CHST6: variants seen among roughly 807,000 people sequenced by gnomAD.
The protein encoded by CHST6 is N-acetylglucosamine 6-O-sulfotransferase 5.
For synonymous variants in CHST6, 309 were observed against 276.4 expected (o/e 1.12, Z -1.17); for missense variants, 698 against 586.2 (o/e 1.19, Z -1.97).
At chr16:75,488,787 T>TTC (rs1416278223) in intron 1 of CHST6, among the ~76,000 whole-genome samples, 3 of 150,368 alleles carry the variant, frequency 2.0e-5, no homozygotes, top group African/African-American at 7.5e-5. Flanking sequence ...AATGGGAGGC[T>TTC]GAGGCAGGAG....
rs1232585876 is a variant in CHST6, at chr16:75,477,320, G to A, written c.*1321C>T. 1 of 152,174 alleles carries A rather than the reference G, an allele frequency of 6.6e-6. No individual in the cohort carries two copies. Among genetic ancestry groups the A allele is most frequent in the Non-Finnish European group, 1.5e-5 (1 of 68,034 alleles). The allele number at this position is 152,174 out of a possible 1,614,324, so 9.4% of individuals were successfully genotyped here. ...GCCCTGCTTGCTTTGCAGGGAGGAT[G>A]TGACTCCACAATCCAGGTTCCCCCA... is the stretch of plus-strand genomic sequence containing the variant. On this transcript the variant is annotated 3_prime_UTR_variant, in exon 3 of 3. Transcript: ENST00000332272.
Position 75,495,013 on chromosome 16 carries a change from G to A in CHST6, c.-165C>T, listed in dbSNP as rs1365677898. On this transcript the variant is annotated 5_prime_UTR_variant, in exon 1 of 3. Coordinates refer to ENST00000332272, the MANE Select transcript of CHST6 (RefSeq NM_021615.5). ...GCCTCTCTCCCTGGACTCAGCAAAG[G>A]CTCCCAAACGTCGTCTCTTCCAAAT... is the stretch of plus-strand genomic sequence containing the variant. The A allele has an allele frequency of 1.3e-5, 2 of 152,492 alleles. No homozygotes were observed. The highest frequency in any genetic ancestry group is 4.8e-5 in the African/African-American group (2 of 41,486). 9.4% of individuals were successfully genotyped at this position (152,492 alleles called of 1,614,324 possible). A position where few individuals can be genotyped will look rare whatever the true frequency, so the allele number is the denominator to read the frequency against.
At position 75,476,805 on chromosome 16, in the gene CHST6, C is replaced by A; in HGVS notation, c.*1836G>T. Reference sequence around the variant, plus strand: ...TGTCACCCAGGCTGGAGTGCAATGGCGTGATCTTGGCTCACTGCAACCTCC... The same window carrying A: ...TGTCACCCAGGCTGGAGTGCAATGGAGTGATCTTGGCTCACTGCAACCTCC... On this transcript the variant is annotated 3_prime_UTR_variant, in exon 3 of 3. Transcript: ENST00000332272. 6.7e-6 allele frequency: 1 copy of A among 149,698 alleles called. No homozygotes were observed. Among genetic ancestry groups the A allele is most frequent in the Non-Finnish European group, 1.5e-5 (1 of 67,646 alleles). The allele number at this position is 149,698 out of a possible 1,614,324, so 9.3% of individuals were successfully genotyped here.
At position 75,475,824 on chromosome 16, in the gene CHST6, CAG is replaced by C. The variant is rs1441545090; in HGVS notation, c.*2815_*2816del. On this transcript the variant is annotated 3_prime_UTR_variant, in exon 3 of 3. Transcript: ENST00000332272. Reference sequence around the variant, plus strand: ...CCATCAATAAAATTTGTGACCTAAACAGGGGCAAATGAAGCTTGTTGGGCATG... The same window carrying C: ...CCATCAATAAAATTTGTGACCTAAACGGGCAAATGAAGCTTGTTGGGCATG... 6.6e-6 allele frequency: 1 copy of C among 152,204 alleles called. No individual in the cohort carries two copies. The highest frequency in any genetic ancestry group is 1.9e-4 in the East Asian group (1 of 5,188). 9.4% of individuals were successfully genotyped at this position (152,204 alleles called of 1,614,324 possible). A position where few individuals can be genotyped will look rare whatever the true frequency, so the allele number is the denominator to read the frequency against.
At position 75,476,242 on chromosome 16, in the gene CHST6, T is replaced by C. The variant is rs906470598; in HGVS notation, c.*2399A>G. On this transcript the variant is annotated 3_prime_UTR_variant, in exon 3 of 3. Coordinates refer to ENST00000332272, the MANE Select transcript of CHST6 (RefSeq NM_021615.5). ...GAAGGTGGAGACCTCAAGAATGGGA[T>C]TAGTGACATTCTTTAAAAGGCCCTG... 1.3e-5 allele frequency: 2 copies of C among 151,968 alleles called. No individual in the cohort carries two copies. The highest frequency in any genetic ancestry group is 2.9e-5 in the Non-Finnish European group (2 of 68,022). 9.4% of individuals were successfully genotyped at this position (151,968 alleles called of 1,614,324 possible). A position where few individuals can be genotyped will look rare whatever the true frequency, so the allele number is the denominator to read the frequency against.
intron 1 of CHST6, among the ~76,000 whole-genome samples, chr16:75,492,571 G>A (rs559346455): frequency 8.5e-5 from 13 of 152,326 alleles, no homozygotes; most frequent in South Asian, 2.1e-4. Context: ...ACTCAGGGCC[G>A]GGCGCGGTGG....
intron 2 of CHST6, among the ~76,000 whole-genome samples, chr16:75,480,942 A>AGAAAAG (rs35126946): frequency 6.6e-4 from 78 of 118,132 alleles, no homozygotes; most frequent in South Asian, 2.0e-3. Flanking sequence ...AAAAAAAAAA[A>AGAAAAG]AAAAGAAAAG....
chr16:75,479,783 G>A lies in CHST6; in HGVS notation c.46C>T (p.Leu16=). Residue 16 remains leucine, a synonymous_variant, in exon 3 of 3, where the codon CTG becomes TTG. Coordinates refer to ENST00000332272, the MANE Select transcript of CHST6 (RefSeq NM_021615.5). ...VSSTAVTALL[L]AQTFLLLFLV... ...AAGAGGAGGAGGAAGGTCTGCGCCA[G>A]GAGGAGCGCGGTCACTGCTGTGCTG... 1 of 1,586,492 alleles carries A rather than the reference G, an allele frequency of 6.3e-7. No homozygotes were observed. Among genetic ancestry groups the A allele is most frequent in the Non-Finnish European group, 8.6e-7 (1 of 1,167,882 alleles).
At position 75,479,626 on chromosome 16, in the gene CHST6, T is replaced by C; in HGVS notation, c.203A>G (p.Tyr68Cys). 1.9e-6 allele frequency: 3 copies of C among 1,612,750 alleles called. No individual in the cohort carries two copies. The highest frequency in any genetic ancestry group is 2.7e-5 in the African/African-American group (2 of 75,032). The part of the protein sequence containing the change: ...QLFNQHPDVF[Y>C]LMEPAWHVWT... ...CACGTGCCACGCGGGCTCCATTAGG[T>C]AGAAGACGTCGGGGTGCTGGTTGAA... The change falls in exon 3 of 3, where the codon TAC (tyrosine) becomes TGC (cysteine). Residue 68 changes from tyrosine (Y) to cysteine (C), a missense_variant. Tyr to Cys is a radical substitution (Grantham distance 194, BLOSUM62 -2). Coordinates refer to ENST00000332272, the MANE Select transcript of CHST6 (RefSeq NM_021615.5).
intron 1 of CHST6, among the ~76,000 whole-genome samples, chr16:75,492,510 T>C (rs962727921): frequency 3.9e-5 from 6 of 152,242 alleles, no homozygotes; most frequent in African/African-American, 1.4e-4. Flanking sequence ...AAGTAAATCA[T>C]ACTTCCAAAT....
intron 1 of CHST6, among the ~76,000 whole-genome samples, chr16:75,489,975 G>A (rs759504502): frequency 1.3e-5 from 2 of 151,200 alleles, no homozygotes; most frequent in African/African-American, 2.4e-5. Flanking sequence ...TCAGGAGTTC[G>A]AGACCAGCCT....
At position 75,478,850 on chromosome 16, in the gene CHST6, G is replaced by A. The variant is rs370268663; in HGVS notation, c.979C>T (p.Leu327Phe). ...TGGCGCCAGGCCTGGGAGACGTTGA[G>A]CGCATTCCTGGACGAAGTCTTGAAG... ...EAFKTSSRNALNVSQAWRHAL... is the reference protein window; with the variant it reads ...EAFKTSSRNAFNVSQAWRHAL... Residue 327 changes from leucine (L) to phenylalanine (F), a missense_variant, in exon 3 of 3, where the codon CTC becomes TTC. Leu to Phe is a conservative substitution (Grantham distance 22). Coordinates refer to ENST00000332272, the MANE Select transcript of CHST6 (RefSeq NM_021615.5). The A allele has an allele frequency of 1.2e-6, 2 of 1,613,480 alleles. No homozygotes were observed. Among genetic ancestry groups the A allele is most frequent in the Non-Finnish European group, 8.5e-7 (1 of 1,179,982 alleles).
chr16:75,485,323 A>G (rs907229971), intron 1 of CHST6, among the ~76,000 whole-genome samples: 1 of 152,210 alleles, frequency 6.6e-6, no homozygotes, highest in Non-Finnish European at 1.5e-5. Context: ...CCTGGAGGCC[A>G]GGCACGGTGG....
Position 75,479,430 on chromosome 16 carries a change from G to T in CHST6, c.399C>A (p.Pro133=), listed in dbSNP as rs774367237. 2 of 1,612,908 alleles carry T rather than the reference G, an allele frequency of 1.2e-6. No homozygotes were observed. The highest frequency in any genetic ancestry group is 1.7e-6 in the Non-Finnish European group (2 of 1,179,850). Reference sequence around the variant, plus strand: ...CGCCTCGGGGAAAGGCACTGCAGGCGGGTGGCGAGCACAGTGCACGGCTCA... The same window carrying T: ...CGCCTCGGGGAAAGGCACTGCAGGCTGGTGGCGAGCACAGTGCACGGCTCA... ...WAVSRALCSP[P]ACSAFPRGAI... The change falls in exon 3 of 3, where the codon CCC becomes CCA. Residue 133 remains proline, a synonymous_variant. Transcript: ENST00000332272.
intron 1 of CHST6, among the ~76,000 whole-genome samples, chr16:75,487,258 A>C (rs1328022955): frequency 2.0e-5 from 3 of 152,192 alleles, no homozygotes; most frequent in Non-Finnish European, 4.4e-5. Flanking sequence ...TGCAAATAGG[A>C]AAAGCAAGAC....
Position 75,479,116 on chromosome 16 carries a change from C to A in CHST6, c.713G>T (p.Gly238Val), listed in dbSNP as rs199971460. ...GCACACCTCGCGCACCACGCGCAGG[C>A]CGGGGTCGGCCTCCACCCACGTGCC... ...TNGTWVEADPGLRVVREVCRS... is the reference protein window; with the variant it reads ...TNGTWVEADPVLRVVREVCRS... The change falls in exon 3 of 3, where the codon GGC becomes GTC. Residue 238 changes from glycine to valine, a missense_variant. Coordinates refer to ENST00000332272, the MANE Select transcript of CHST6 (RefSeq NM_021615.5). 3.7e-6 allele frequency: 6 copies of A among 1,605,142 alleles called. No individual in the cohort carries two copies.
At chr16:75,491,191 ATATATATATAT>A (rs1160891460) in intron 1 of CHST6, among the ~76,000 whole-genome samples, 1 of 40,902 alleles carries the variant, frequency 2.4e-5, no homozygotes, top group African/African-American at 1.1e-4. Context: ...AAAAAAAAAA[ATATATATATAT>A]ATATATATAT....
chr16:75,482,193 A>G (rs2080149507), intron 1 of CHST6, among the ~76,000 whole-genome samples: 1 of 152,140 alleles, frequency 6.6e-6, no homozygotes, highest in Non-Finnish European at 1.5e-5. Flanking sequence ...CTACTCTTCC[A>G]ATCCCAGTAT....
At position 75,478,917 on chromosome 16, in the gene CHST6, A is replaced by G. The variant is rs780898333; in HGVS notation, c.912T>C (p.His304=). 86 of 1,613,008 alleles carry G rather than the reference A, an allele frequency of 5.3e-5. No individual in the cohort carries two copies. The highest frequency in any genetic ancestry group is 1.2e-4 in the Admixed American group (7 of 60,002). Residue 304 remains histidine, a synonymous_variant, in exon 3 of 3, where the codon CAT becomes CAC. Transcript: ENST00000332272. ...CAGGTCCAGATCCGTGGGTGATGTT[A>G]TGGATCCAGGCCTCGAGCTGTGGCG... ...SLTPQLEAWI[H]NITHGSGPGA...
Sources: allele counts gnomAD v4.1 joint callset (sites outside exome capture counted in the v4.1 genomes callset), GRCh38; gene constraint gnomAD v4.1.1; transcripts MANE v1.5; gene names NCBI Gene and HGNC (gene_info 2026-07-23, HGNC 2026-07-21).